FNBP1L: variants seen among roughly 807,000 people sequenced by gnomAD.
FNBP1L encodes formin-binding protein 1-like.
Under a neutral mutation model 91.2 loss-of-function variants are expected in FNBP1L, and 36 were observed. That is an observed-to-expected ratio of 0.39 (90% confidence interval 0.30 to 0.52). The LOEUF is 0.52. Ranked by LOEUF, FNBP1L falls within the 20% of genes least tolerant of loss-of-function variation. The pLI, the probability that FNBP1L is intolerant of heterozygous loss-of-function variation, is 0.66. For missense variants in FNBP1L, 571 were observed against 732.1 expected, an observed-to-expected ratio of 0.78 and a Z score of 2.54; for synonymous variants, 242 against 237.0, an observed-to-expected ratio of 1.02 and a Z score of -0.19.
At chr1:93,546,774 A>G (rs1240807398) in intron 12 of FNBP1L, 68 bp from the exon 13 acceptor site, 1 of 1,556,330 alleles carries the variant, frequency 6.4e-7, no homozygotes, top group Non-Finnish European at 8.8e-7. Flanking sequence ...CCCAGAGTCC[A>G]ATAAAACTCT....
chr1:93,529,657 A>G lies in FNBP1L; in HGVS notation c.411A>G (p.Lys137=). The G allele has an allele frequency of 1.3e-6, 2 of 1,485,768 alleles. No homozygotes were observed. The highest frequency in any genetic ancestry group is 8.9e-7 in the Non-Finnish European group (1 of 1,121,838). The allele number at this position is 1,485,768 out of a possible 1,614,324, so 92.0% of individuals were successfully genotyped here. A position where few individuals can be genotyped will look rare whatever the true frequency, so the allele number is the denominator to read the frequency against. Residue 137 remains lysine, a synonymous_variant, in exon 6 of 17, where the codon AAA becomes AAG. Coordinates refer to ENST00000271234, the MANE Select transcript of FNBP1L (RefSeq NM_001164473.3). ...DMCWKQMDNS[K]KKFERECREA... is the part of the protein sequence containing the mutation. ...TATTTTAATTTTTTTAACAGAGTAA[A>G]AAGAAGTTTGAAAGAGAATGTAGAG...
chr1:93,532,502 T>G (rs1357071930), intron 7 of FNBP1L, among the ~76,000 whole-genome samples: 3 of 143,002 alleles, frequency 2.1e-5, no homozygotes, highest in Non-Finnish European at 4.6e-5. Flanking sequence ...CTCAGTCTTG[T>G]ATATGTTATG....
In FNBP1L at chr1:93,544,067, C is replaced by A. The variant is rs565197620; in HGVS notation, c.1165-40C>A. On this transcript the variant is annotated intron_variant, in intron 11 of 16. Transcript: ENST00000271234. Reference sequence around the variant, plus strand: ...AGGTATATTTTAAAAATAAAATTTCCCGAAAATGTCTATTATAATGATTTA... The same window carrying A: ...AGGTATATTTTAAAAATAAAATTTCACGAAAATGTCTATTATAATGATTTA... 8 of 1,414,450 alleles carry A rather than the reference C, an allele frequency of 5.7e-6. No homozygotes were observed. In the East Asian group the frequency reaches 1.9e-4, roughly 34 times the overall value. The allele number at this position is 1,414,450 out of a possible 1,614,324, so 87.6% of individuals were successfully genotyped here.
At chr1:93,523,629 C>A in intron 4 of FNBP1L, 138 bp downstream of exon 4, 1 of 897,788 alleles carries the variant, frequency 1.1e-6, no homozygotes, top group Non-Finnish European at 1.6e-6. Context: ...AAAATTATCA[C>A]AAAATACTCT....
rs749297707 is a variant in FNBP1L at position 93,464,819 on chromosome 1, C to G, written c.24+16514C>G. 5.5e-4 allele frequency among the ~76,000 whole-genome samples: 84 copies of G among 152,042 alleles called. 1 individual carries two copies. The highest frequency in any genetic ancestry group is 9.1e-4 in the Non-Finnish European group (62 of 68,014). ...GTTTAGTGATTCTTAATCAGAAGTT[C>G]ATGTTACTTTAAATTTATCTGCAGG... On this transcript the variant is annotated intron_variant, in intron 1 of 16. Coordinates refer to ENST00000271234, the MANE Select transcript of FNBP1L (RefSeq NM_001164473.3).
At position 93,468,287 on chromosome 1, in the gene FNBP1L, C is replaced by CT. The variant is rs920350375; in HGVS notation, c.24+19992dup. On this transcript the variant is annotated intron_variant, in intron 1 of 16. Coordinates refer to ENST00000271234, the MANE Select transcript of FNBP1L (RefSeq NM_001164473.3). ...ATACTGTAACATGCATTACTTTGTTCTTTTTTTTTTAACTGAATAATATTC... is the reference window on the plus strand; with the variant it reads ...ATACTGTAACATGCATTACTTTGTTCTTTTTTTTTTTAACTGAATAATATTC... Among the ~76,000 whole-genome samples the CT allele has an allele frequency of 8.0e-3, 1,197 of 149,010 alleles. 12 individuals carry two copies. Among genetic ancestry groups the CT allele is most frequent in the African/African-American group, 0.027 (1,095 of 40,748 alleles).
intron 2 of FNBP1L, among the ~76,000 whole-genome samples, chr1:93,507,093 ACACACACACACACACTCT>A (rs1313504052): frequency 1.7e-3 from 211 of 123,970 alleles, no homozygotes; most frequent in East Asian, 6.3e-3. Flanking sequence ...ACACACACAC[ACACACACACACACACTCT>A]CTCTCTCTCT....
At chr1:93,523,841 A>G (rs1408222199) in intron 4 of FNBP1L, among the ~76,000 whole-genome samples, 2 of 152,222 alleles carry the variant, frequency 1.3e-5, no homozygotes, top group Non-Finnish European at 2.9e-5. Flanking sequence ...ATAAAATTTT[A>G]TTGGAACAGA....
At chr1:93,542,442 T>TG (rs1239850825) in intron 11 of FNBP1L, among the ~76,000 whole-genome samples, 9 of 23,460 alleles carry the variant, frequency 3.8e-4, no homozygotes, top group African/African-American at 6.2e-4. Flanking sequence ...GATTGGTAAA[T>TG]GAAAAAAAAA....
chr1:93,549,559 T>C (rs1482458119), intron 15 of FNBP1L, 133 bp downstream of exon 15: 5 of 684,282 alleles, frequency 7.3e-6, no homozygotes, highest in East Asian at 5.9e-5. Context: ...TTCTTTAGTA[T>C]GCATACTTTT....
At chr1:93,474,153 A>G (rs1422579598) in intron 1 of FNBP1L, among the ~76,000 whole-genome samples, 1 of 152,152 alleles carries the variant, frequency 6.6e-6, no homozygotes, top group Non-Finnish European at 1.5e-5. Flanking sequence ...TGGAGACAGG[A>G]GAATTGCTTG....
chr1:93,482,118 C>T (rs1222178558), intron 1 of FNBP1L, among the ~76,000 whole-genome samples: 2 of 152,204 alleles, frequency 1.3e-5, no homozygotes, highest in African/African-American at 4.8e-5. Flanking sequence ...GCCGTGATCA[C>T]ATCACTGCAC....
chr1:93,510,313 C>T (rs539176559), intron 2 of FNBP1L, among the ~76,000 whole-genome samples: 1,812 of 152,330 alleles, frequency 0.012, 18 homozygotes, highest in Middle Eastern at 0.041. Context: ...GACCCCCAAG[C>T]AGCCTAACTG....
rs1672260113 is a variant in FNBP1L, at chr1:93,546,851, C to T, written c.1284C>T (p.Leu428=). ...TCCTTCTCTTTTTTAGAGATGCACT[C>T]AACAAAATGAAAGATGTATATGAGA... ...LQKESDQKDA[L]NKMKDVYEKN... Residue 428 remains leucine (L), a synonymous_variant, in exon 13 of 17, where the codon CTC becomes CTT. Transcript: ENST00000271234. 1.2e-6 allele frequency: 2 copies of T among 1,611,938 alleles called. No homozygotes were observed. The highest frequency in any genetic ancestry group is 1.3e-5 in the African/African-American group (1 of 74,810).
chr1:93,479,524 G>A (rs1005355173), intron 1 of FNBP1L, among the ~76,000 whole-genome samples: 3 of 152,088 alleles, frequency 2.0e-5, no homozygotes, highest in African/African-American at 7.2e-5. Flanking sequence ...AGACCAGGGC[G>A]TATTTCAGTC....
intron 1 of FNBP1L, among the ~76,000 whole-genome samples, chr1:93,483,494 C>T (rs1056535517): frequency 6.6e-6 from 1 of 152,078 alleles, no homozygotes; most frequent in African/African-American, 2.4e-5. Flanking sequence ...ATGGAGACTT[C>T]TGATTAAATT....
intron 1 of FNBP1L, among the ~76,000 whole-genome samples, chr1:93,472,594 C>T (rs897213995): frequency 5.3e-5 from 8 of 151,610 alleles, no homozygotes; most frequent in Admixed American, 3.9e-4. Context: ...GGGTGGATCA[C>T]GAGGTCAGGA....
At chr1:93,488,408 G>C (rs1016386283) in intron 1 of FNBP1L, 1 of 152,160 alleles carries the variant, frequency 6.6e-6, no homozygotes, top group African/African-American at 2.4e-5. Flanking sequence ...TAGCTTCCAA[G>C]ATCAGTCAAG....
At chr1:93,493,527 T>C (rs2101719540) in intron 1 of FNBP1L, among the ~76,000 whole-genome samples, 1 of 152,306 alleles carries the variant, frequency 6.6e-6, no homozygotes, top group East Asian at 1.9e-4. Flanking sequence ...TCCCCATTCC[T>C]TCCTACCCCT....
Sources: gnomAD v4.1 joint callset for allele counts (sites outside exome capture counted in the v4.1 genomes callset) on GRCh38, gnomAD v4.1.1 for gene constraint, MANE v1.5 for transcripts, NCBI Gene and HGNC (gene_info 2026-07-23, HGNC 2026-07-21) for gene names.